ERCC6L2: variants seen among roughly 807,000 people sequenced by gnomAD.
The protein encoded by ERCC6L2 is DNA excision repair protein ERCC-6-like 2.
A neutral mutation model predicts 132.0 loss-of-function variants in ERCC6L2; 77 were observed. The ratio of observed to expected loss-of-function variants is 0.58; its 90% confidence interval spans 0.49 to 0.71. ERCC6L2 has a LOEUF of 0.71. Ranked by LOEUF, ERCC6L2 falls within the 30% of genes least tolerant of loss-of-function variation. The pLI is 0.00. For synonymous variants in ERCC6L2, 583 were observed against 632.4 expected (o/e 0.92, Z 1.17); for missense variants, 1,542 against 1,837.6 (o/e 0.84, Z 2.94).
intron 17 of ERCC6L2, among the ~76,000 whole-genome samples, chr9:95,981,364 A>T (rs948432006): frequency 1.3e-5 from 2 of 152,206 alleles, no homozygotes; most frequent in African/African-American, 4.8e-5. Flanking sequence ...AGTAAAATGT[A>T]CTGTTTTCAG....
chr9:95,961,179 T>C (rs1269853946), intron 13 of ERCC6L2, among the ~76,000 whole-genome samples: 1 of 152,102 alleles, frequency 6.6e-6, no homozygotes, highest in African/African-American at 2.4e-5. Context: ...GTGATCTTAT[T>C]TGTAAGTAGG....
At chr9:95,917,805 T>G (rs1039523666) in intron 6 of ERCC6L2, among the ~76,000 whole-genome samples, 2 of 152,168 alleles carry the variant, frequency 1.3e-5, no homozygotes, top group Non-Finnish European at 2.9e-5. Flanking sequence ...CTGGGTTTCT[T>G]CCTCTGTTAA....
intron 2 of ERCC6L2, among the ~76,000 whole-genome samples, chr9:95,891,420 A>T (rs1176562982): frequency 6.6e-6 from 1 of 152,212 alleles, no homozygotes; most frequent in Non-Finnish European, 1.5e-5. Flanking sequence ...TGATTAATTG[A>T]GTGCATTTAA....
At chr9:95,906,992 A>G in intron 3 of ERCC6L2, 86 bp from the exon 4 acceptor site, 1 of 848,808 alleles carries the variant, frequency 1.2e-6, no homozygotes, top group Non-Finnish European at 1.9e-6. Flanking sequence ...AAGGAAGAGG[A>G]CTATTGATAT....
Position 95,966,923 on chromosome 9 carries a change from C to T in ERCC6L2, c.2100+209C>T. On this transcript the variant is annotated intron_variant, in intron 14 of 18. Transcript: ENST00000653738. Reference sequence around the variant, plus strand: ...TTCCCATGCATAATTACAAATAATGCACACACACAAATGTATATGCTGGGT... The same window carrying T: ...TTCCCATGCATAATTACAAATAATGTACACACACAAATGTATATGCTGGGT... 5.4e-6 allele frequency: 2 copies of T among 372,394 alleles called. 1 individual carries two copies. The highest frequency in any genetic ancestry group is 9.5e-6 in the Non-Finnish European group (2 of 210,628). 23.1% of individuals were successfully genotyped at this position (372,394 alleles called of 1,614,324 possible). A position where few individuals can be genotyped will look rare whatever the true frequency, so the allele number is the denominator to read the frequency against.
chr9:95,955,788 A>G, intron 12 of ERCC6L2, 126 bp from the exon 13 acceptor site: 2 of 498,642 alleles, frequency 4.0e-6, no homozygotes, highest in Non-Finnish European at 6.9e-6. Context: ...GCATATTTAA[A>G]CATAAAATGT....
rs761953831 is a variant in ERCC6L2 at position 96,004,560 on chromosome 9, C to G, written c.3533C>G (p.Thr1178Arg). The stretch of plus-strand genomic sequence containing the variant: ...GTGGATGCAGATACATTGCCACACA[C>G]AAAGAAAGGCCAGCAACCGAGTGAA... Reference protein sequence around the residue: ...EKVDADTLPHTKKGQQPSEGS... With the variant: ...EKVDADTLPHRKKGQQPSEGS... The change falls in exon 18 of 19, where the codon ACA becomes AGA. Residue 1178 changes from threonine to arginine, a missense_variant. By Grantham distance (71) the Thr-to-Arg change is moderately conservative. This residue lies in a region of ERCC6L2 where 442 missense variants were observed against 583.4 expected (regional missense o/e 0.76). Transcript: ENST00000653738. 3.1e-6 allele frequency: 4 copies of G among 1,309,144 alleles called. No homozygotes were observed. In the South Asian group the frequency reaches 4.9e-5, roughly 16 times the overall value. 81.1% of individuals were successfully genotyped at this position (1,309,144 alleles called of 1,614,324 possible).
downstream of ERCC6L2, among the ~76,000 whole-genome samples, chr9:96,019,101 C>T (rs905987497): frequency 2.6e-5 from 4 of 151,492 alleles, no homozygotes; most frequent in Non-Finnish European, 1.5e-5. Flanking sequence ...GTTGTCTTGT[C>T]AGACTAAAAT....
chr9:95,943,584 G>A (rs1376143843), intron 12 of ERCC6L2, among the ~76,000 whole-genome samples: 1 of 152,004 alleles, frequency 6.6e-6, no homozygotes, highest in African/African-American at 2.4e-5. Context: ...CAGAATGGGA[G>A]AAAATATTTT....
intron 3 of ERCC6L2, among the ~76,000 whole-genome samples, chr9:95,903,374 G>T (rs1828870952): frequency 1.3e-5 from 2 of 151,860 alleles, no homozygotes; most frequent in African/African-American, 4.8e-5. Context: ...TTTATTATTT[G>T]GTAGTTACTC....
intron 10 of ERCC6L2, 83 bp from the exon 11 acceptor site, chr9:95,928,636 A>G: frequency 8.2e-7 from 1 of 1,221,942 alleles, no homozygotes. Flanking sequence ...AATAATTAAT[A>G]CTTAACAAGT....
intron 9 of ERCC6L2, among the ~76,000 whole-genome samples, chr9:95,924,318 C>T (rs1564229048): frequency 6.6e-6 from 1 of 151,690 alleles, no homozygotes; most frequent in Non-Finnish European, 1.5e-5. Context: ...TACATACATA[C>T]ATAAAGACTA....
At chr9:95,975,046 C>A (rs1276795593) in intron 16 of ERCC6L2, among the ~76,000 whole-genome samples, 1 of 152,118 alleles carries the variant, frequency 6.6e-6, no homozygotes, top group Non-Finnish European at 1.5e-5. Flanking sequence ...ACAGTACTAC[C>A]TCCATTTGAT....
chr9:96,039,609 G>A (rs568846763), intron 20 of ERCC6L2, among the ~76,000 whole-genome samples: 60 of 152,250 alleles, frequency 3.9e-4, no homozygotes, highest in African/African-American at 1.4e-3. Flanking sequence ...TCAACTTACG[G>A]GGGAGTGGTG....
At chr9:95,978,239 C>T (rs770806368) in intron 17 of ERCC6L2, 24 bp downstream of exon 17, 11 of 1,323,140 alleles carry the variant, frequency 8.3e-6, no homozygotes, top group Non-Finnish European at 1.1e-5. Flanking sequence ...AGGGTAGTAT[C>T]ATCTTTAGTT....
chr9:95,916,129 C>A (rs1829573507), intron 5 of ERCC6L2, 98 bp from the exon 6 acceptor site: 4 of 1,119,994 alleles, frequency 3.6e-6, no homozygotes, highest in Admixed American at 4.9e-5. Flanking sequence ...GTTTTTGTTA[C>A]CGTTGATAAT....
At chr9:96,035,090 G>A (rs981288004) in intron 19 of ERCC6L2, among the ~76,000 whole-genome samples, 1 of 152,260 alleles carries the variant, frequency 6.6e-6, no homozygotes, top group South Asian at 2.1e-4. Context: ...AGGCTCGGGG[G>A]TGTCTGATCC....
chr9:95,943,961 T>C (rs4743418), intron 12 of ERCC6L2, among the ~76,000 whole-genome samples: 19,780 of 152,166 alleles, frequency 0.13, 1,363 homozygotes, highest in South Asian at 0.24. Flanking sequence ...AGCATGGTGG[T>C]TCCTCAAAAA....
chr9:96,028,799 G>A (rs1442471730), intron 19 of ERCC6L2, among the ~76,000 whole-genome samples: 5 of 152,100 alleles, frequency 3.3e-5, no homozygotes, highest in Non-Finnish European at 5.9e-5. Flanking sequence ...AATTTCCCAC[G>A]TTCACCTTAG....
Sources: allele counts gnomAD v4.1 joint callset (sites outside exome capture counted in the v4.1 genomes callset), GRCh38; gene constraint gnomAD v4.1.1; regional missense constraint gnomAD v4.1.1; transcripts MANE v1.5; gene names NCBI Gene and HGNC (gene_info 2026-07-23, HGNC 2026-07-21).